COL5A1: variants seen among roughly 807,000 people sequenced by gnomAD.
COL5A1 encodes the protein collagen type V alpha 1 chain.
In COL5A1, 16 loss-of-function variants were observed where a neutral mutation model predicts 263.7. The ratio of observed to expected loss-of-function variants is 0.06; its 90% CI spans 0.04 to 0.09. COL5A1 has a LOEUF of 0.09. Ranked by LOEUF, COL5A1 falls within the 10% of genes least tolerant of loss-of-function variation. The pLI, the probability that COL5A1 is intolerant of heterozygous loss-of-function variation, is 1.00. For synonymous variants in COL5A1, 1,012 were observed against 1,004.5 expected, an observed-to-expected ratio of 1.01 and a Z score of -0.14; for missense variants, 2,036 against 2,540.5, an observed-to-expected ratio of 0.80 and a Z score of 4.27.
At chr9:134,668,774 G>A (rs573531613) in intron 1 of COL5A1, among the ~76,000 whole-genome samples, 1 of 151,390 alleles carries the variant, frequency 6.6e-6, no homozygotes, top group South Asian at 2.1e-4. Flanking sequence ...TACTCCATGT[G>A]TCCATATACT....
intron 1 of COL5A1, among the ~76,000 whole-genome samples, chr9:134,655,281 G>C (rs2132484847): frequency 6.6e-6 from 1 of 151,918 alleles, no homozygotes; most frequent in South Asian, 2.1e-4. Context: ...TCTGTTTTGT[G>C]CATCGATGTG....
intron 4 of COL5A1, chr9:134,709,270 A>G (rs1588458271): frequency 7.8e-6 from 2 of 257,078 alleles, no homozygotes; most frequent in Non-Finnish European, 1.5e-5. Flanking sequence ...CCTCTAGCTG[A>G]GGCTTCGGGG....
chr9:134,816,335 C>A (rs1487526269), intron 52 of COL5A1, among the ~76,000 whole-genome samples: 2 of 149,562 alleles, frequency 1.3e-5, no homozygotes, highest in Non-Finnish European at 3.0e-5. Context: ...CCTCACCAGG[C>A]CCTTCCTGCC....
intron 4 of COL5A1, among the ~76,000 whole-genome samples, chr9:134,719,142 G>A (rs1394412931): frequency 6.6e-6 from 1 of 152,208 alleles, no homozygotes; most frequent in Non-Finnish European, 1.5e-5. Flanking sequence ...AGGCACCTCG[G>A]GGCCATCTCC....
chr9:134,834,528 G>C (rs560673727), intron 64 of COL5A1, among the ~76,000 whole-genome samples: 1 of 152,310 alleles, frequency 6.6e-6, no homozygotes, highest in African/African-American at 2.4e-5. Context: ...GGCAGCCATG[G>C]GGCGGGTACC....
intron 4 of COL5A1, among the ~76,000 whole-genome samples, chr9:134,723,270 G>A (rs1318539053): frequency 4.6e-5 from 7 of 152,116 alleles, no homozygotes; most frequent in African/African-American, 1.2e-4. Context: ...GGAAGGACCC[G>A]GGTTGGAGGG....
chr9:134,761,083 GTGCACACACCCCACACA>G (rs997672324), intron 18 of COL5A1, among the ~76,000 whole-genome samples: 12 of 124,804 alleles, frequency 9.6e-5, no homozygotes, highest in Non-Finnish European at 1.5e-4. Flanking sequence ...ACATGCACAC[GTGCACACACCCCACACA>G]TGCACACAAC....
intron 27 of COL5A1, among the ~76,000 whole-genome samples, chr9:134,777,591 C>G (rs2132754308): frequency 6.6e-6 from 1 of 152,294 alleles, no homozygotes; most frequent in South Asian, 2.1e-4. Flanking sequence ...GCGGCTGGTT[C>G]TGTCTAGTTG....
At chr9:134,708,868 G>A (rs1475710122) in intron 4 of COL5A1, 2 of 456,586 alleles carry the variant, frequency 4.4e-6, no homozygotes, top group Non-Finnish European at 8.8e-6. Context: ...TTCCAGCGGG[G>A]GACTCTGCCT....
In COL5A1 at chr9:134,647,127, C is replaced by G. The variant is rs916508012; in HGVS notation, c.109+4831C>G. On this transcript the variant is annotated intron_variant, in intron 1 of 65. Coordinates refer to ENST00000371817, the MANE Select transcript of COL5A1 (RefSeq NM_000093.5). This position sits in a 1 kb window ranked among gnomAD's most constrained non-coding sequence, Gnocchi z 5.0. ...GTGTTCCCACAGCCCTCTTTAGCTC[C>G]CAGAAGCACAGGCGAGGGAGGTGTG... Among the ~76,000 whole-genome samples the G allele has an allele frequency of 2.6e-5, 4 of 152,110 alleles. No individual in the cohort carries two copies. The highest frequency in any genetic ancestry group is 9.7e-5 in the African/African-American group (4 of 41,412).
chr9:134,694,322 T>A (rs1350805960), intron 2 of COL5A1, among the ~76,000 whole-genome samples: 1 of 152,232 alleles, frequency 6.6e-6, no homozygotes, highest in Admixed American at 6.5e-5. Flanking sequence ...CGCACAGGCG[T>A]TGACCTCTGC....
chr9:134,661,077 T>C (rs904765230), intron 1 of COL5A1, among the ~76,000 whole-genome samples: 1 of 151,862 alleles, frequency 6.6e-6, no homozygotes, highest in African/African-American at 2.4e-5. Context: ...CACCCACCAC[T>C]GGCTGGCAGA....
intron 1 of COL5A1, among the ~76,000 whole-genome samples, chr9:134,658,688 C>CCGG (rs1832104564): frequency 6.6e-6 from 1 of 151,868 alleles, no homozygotes; most frequent in Non-Finnish European, 1.5e-5. Context: ...TGTACCCTGC[C>CCGG]CGGCTTCTGT....
intron 9 of COL5A1, among the ~76,000 whole-genome samples, chr9:134,735,616 G>T (rs909528007): frequency 6.6e-6 from 1 of 152,170 alleles, no homozygotes; most frequent in Non-Finnish European, 1.5e-5. Flanking sequence ...CAAGGTCCCC[G>T]CCCGCGTTGC....
rs143892181 is a variant in COL5A1, at chr9:134,765,098, A to G, written c.2035-583A>G. ...GTTCTGCACGAGCCTCGCCGACCGG[A>G]GAGGGCGTGCCAGCTCTTGCCCAGA... On this transcript the variant is annotated intron_variant, in intron 20 of 65. Transcript: ENST00000371817. This position sits in a 1 kb window ranked among gnomAD's most constrained non-coding sequence, Gnocchi z 5.1. 6.3e-3 allele frequency among the ~76,000 whole-genome samples: 964 copies of G among 152,166 alleles called. 7 individuals are homozygous for G. Among genetic ancestry groups the G allele is most frequent in the Middle Eastern group, 0.02 (6 of 294 alleles).
At chr9:134,744,804 C>T (rs1335626332) in intron 11 of COL5A1, among the ~76,000 whole-genome samples, 5 of 152,060 alleles carry the variant, frequency 3.3e-5, no homozygotes, top group Non-Finnish European at 4.4e-5. Flanking sequence ...CACACATGTA[C>T]ACACATTCGC....
intron 11 of COL5A1, among the ~76,000 whole-genome samples, chr9:134,746,480 CGT>C (rs1835517462): frequency 6.6e-6 from 1 of 152,234 alleles, no homozygotes; most frequent in Non-Finnish European, 1.5e-5. Flanking sequence ...CCGAGGGTCT[CGT>C]GGGGACAGTT....
chr9:134,771,000 G>A lies in COL5A1; in HGVS notation c.2287-1790G>A, dbSNP rs541380658. On this transcript the variant is annotated intron_variant, in intron 25 of 65. Coordinates refer to ENST00000371817, the MANE Select transcript of COL5A1 (RefSeq NM_000093.5). Reference sequence around the variant, plus strand: ...GGCCTGGATGGGAATGGAGGCCGCCGTGATGCCGGCCGCTAACTCTGCTTG... The same window carrying A: ...GGCCTGGATGGGAATGGAGGCCGCCATGATGCCGGCCGCTAACTCTGCTTG... 2.9e-4 allele frequency among the ~76,000 whole-genome samples: 44 copies of A among 152,366 alleles called. 3 individuals carry two copies. The South Asian group carries it at 8.7e-3, about 30-fold the overall frequency.
chr9:134,842,553 C>G lies in COL5A1; in HGVS notation c.*250C>G. 1 of 595,294 alleles carries G rather than the reference C, an allele frequency of 1.7e-6. No homozygotes were observed. Among genetic ancestry groups the G allele is most frequent in the Non-Finnish European group, 3.0e-6 (1 of 334,232 alleles). The allele number at this position is 595,294 out of a possible 1,614,324, so 36.9% of individuals were successfully genotyped here. A position where few individuals can be genotyped will look rare whatever the true frequency, so the allele number is the denominator to read the frequency against. ...CACCCCAGCGCCTGGGCCCGCCCCA[C>G]GCTCTGTCCACACCCACGCGCCCCG... On this transcript the variant is annotated 3_prime_UTR_variant, in exon 66 of 66. Coordinates refer to ENST00000371817, the MANE Select transcript of COL5A1 (RefSeq NM_000093.5). The surrounding 1 kb of genome is among the most constrained non-coding windows in gnomAD (Gnocchi z 5.8).
Sources: allele counts gnomAD v4.1 joint callset (sites outside exome capture counted in the v4.1 genomes callset), GRCh38; gene constraint gnomAD v4.1.1; non-coding constraint Gnocchi (gnomAD v3.1); transcripts MANE v1.5; gene names NCBI Gene and HGNC (gene_info 2026-07-23, HGNC 2026-07-21).